Variants in LGR5 observed in about 807,000 individuals in gnomAD.
LGR5 encodes leucine-rich repeat-containing G protein-coupled receptor 5.
A neutral mutation model predicts 76.7 loss-of-function variants in LGR5; 54 were observed. That is an observed-to-expected ratio of 0.70 (90% confidence interval 0.57 to 0.88). The LOEUF (loss-of-function observed/expected upper bound fraction) is 0.88. Among genes scored for constraint, LGR5 ranks in the 40% least tolerant of loss-of-function variants. The pLI, the probability that LGR5 is intolerant of heterozygous loss-of-function variation, is 0.00. For missense variants in LGR5, 1,078 were observed against 1,073.3 expected (o/e 1.00, Z -0.06); for synonymous variants, 406 against 421.9 (o/e 0.96, Z 0.46).
At chr12:71,456,325 C>G (rs927869338) in intron 1 of LGR5, among the ~76,000 whole-genome samples, 3 of 152,132 alleles carry the variant, frequency 2.0e-5, no homozygotes, top group Admixed American at 6.6e-5. Context: ...ATTTTTATCC[C>G]TTTATTAGAT....
intron 1 of LGR5, among the ~76,000 whole-genome samples, chr12:71,469,435 C>A (rs1296719543): frequency 6.6e-6 from 1 of 152,200 alleles, no homozygotes; most frequent in Non-Finnish European, 1.5e-5. Context: ...GCTGGGCGGG[C>A]CTGTCACTCC....
intron 2 of LGR5, among the ~76,000 whole-genome samples, chr12:71,515,013 CAAG>C (rs1257462228): frequency 6.6e-6 from 1 of 152,170 alleles, no homozygotes; most frequent in Admixed American, 6.5e-5. Context: ...AAGATGAACA[CAAG>C]AAGGTTAAGC....
At chr12:71,483,096 A>AG (rs1486905618) in intron 1 of LGR5, among the ~76,000 whole-genome samples, 1 of 152,164 alleles carries the variant, frequency 6.6e-6, no homozygotes, top group Non-Finnish European at 1.5e-5. Context: ...AGAAAAAAAA[A>AG]GGAACCACCA....
intron 4 of LGR5, among the ~76,000 whole-genome samples, chr12:71,536,786 A>C (rs1222652530): frequency 6.6e-6 from 1 of 152,248 alleles, no homozygotes; most frequent in Non-Finnish European, 1.5e-5. Flanking sequence ...TCTTTTGTTC[A>C]CTGGAACTGG....
At chr12:71,493,741 A>T (rs926704253) in intron 1 of LGR5, among the ~76,000 whole-genome samples, 1 of 147,528 alleles carries the variant, frequency 6.8e-6, no homozygotes, top group Non-Finnish European at 1.5e-5. Context: ...TAAGCTTTTC[A>T]GTTGTCTTAT....
At chr12:71,528,737 G>A (rs1364860270) in intron 3 of LGR5, among the ~76,000 whole-genome samples, 1 of 152,096 alleles carries the variant, frequency 6.6e-6, no homozygotes, top group Admixed American at 6.6e-5. Context: ...ATTTATCTGA[G>A]GGTGGCCAGC....
intron 1 of LGR5, among the ~76,000 whole-genome samples, chr12:71,474,252 T>C (rs1873229338): frequency 6.6e-6 from 1 of 151,782 alleles, no homozygotes; most frequent in Non-Finnish European, 1.5e-5. Flanking sequence ...AACCAAAAAA[T>C]AAAGCAAAGC....
chr12:71,547,087 C>T (rs1565742279), intron 4 of LGR5, among the ~76,000 whole-genome samples: 2 of 152,118 alleles, frequency 1.3e-5, no homozygotes, highest in Non-Finnish European at 2.9e-5. Context: ...AACACACACC[C>T]GAAAGTCATA....
chr12:71,576,628 GCA>G (rs1878868386), intron 13 of LGR5, among the ~76,000 whole-genome samples: 1 of 152,106 alleles, frequency 6.6e-6, no homozygotes, highest in Admixed American at 6.5e-5. Flanking sequence ...GGATTCCAGC[GCA>G]CGGGCTCATG....
chr12:71,441,259 T>C (rs1349920392), intron 1 of LGR5, among the ~76,000 whole-genome samples: 1 of 152,124 alleles, frequency 6.6e-6, no homozygotes, highest in Non-Finnish European at 1.5e-5. Flanking sequence ...GGAGGAACCC[T>C]ATTCTCGGAG....
At chr12:71,491,307 G>A (rs1363579657) in intron 1 of LGR5, among the ~76,000 whole-genome samples, 1 of 152,088 alleles carries the variant, frequency 6.6e-6, no homozygotes, top group African/African-American at 2.4e-5. Context: ...GAAAAATGTT[G>A]AAGACCCAAG....
At chr12:71,561,321 G>A (rs1209923650) in intron 7 of LGR5, among the ~76,000 whole-genome samples, 1 of 152,158 alleles carries the variant, frequency 6.6e-6, no homozygotes, top group Non-Finnish European at 1.5e-5. Context: ...CTGAGCCAGG[G>A]CACCTTTCTT....
intron 17 of LGR5, 95 bp from the exon 18 acceptor site, chr12:71,583,552 C>A: frequency 7.1e-7 from 1 of 1,406,788 alleles, no homozygotes; most frequent in Non-Finnish European, 9.7e-7. Flanking sequence ...TGACCATTAT[C>A]TCTTGGCATC....
chr12:71,490,787 A>G (rs1874034252), intron 1 of LGR5, among the ~76,000 whole-genome samples: 1 of 152,196 alleles, frequency 6.6e-6, no homozygotes, highest in Non-Finnish European at 1.5e-5. Flanking sequence ...AACAATGTAA[A>G]ACATTTTGTA....
intron 4 of LGR5, among the ~76,000 whole-genome samples, chr12:71,535,674 G>A (rs1283281654): frequency 1.3e-5 from 2 of 152,110 alleles, no homozygotes; most frequent in Non-Finnish European, 2.9e-5. Flanking sequence ...CAAGTCAGGA[G>A]CCTAAGATCT....
intron 2 of LGR5, among the ~76,000 whole-genome samples, chr12:71,521,170 T>C (rs1479441216): frequency 2.0e-5 from 3 of 152,182 alleles, no homozygotes; most frequent in African/African-American, 7.2e-5. Flanking sequence ...GAGAATATTG[T>C]ACATTGAAAC....
intron 2 of LGR5, among the ~76,000 whole-genome samples, chr12:71,513,440 G>A (rs895328564): frequency 6.6e-6 from 1 of 152,164 alleles, no homozygotes; most frequent in Non-Finnish European, 1.5e-5. Context: ...CTAAGCTTAA[G>A]ACCAGCCTTC....
Position 71,560,262 on chromosome 12 carries a change from G to A in LGR5, c.785+608G>A, listed in dbSNP as rs576604772. On this transcript the variant is annotated intron_variant, in intron 7 of 17. Coordinates refer to ENST00000266674, the MANE Select transcript of LGR5 (RefSeq NM_003667.4). ...TAAACAGTCTATTAACACATATTTTGTATATGTATTTTGAACTATATTCTT... is the reference window on the plus strand; with the variant it reads ...TAAACAGTCTATTAACACATATTTTATATATGTATTTTGAACTATATTCTT... 2.0e-5 allele frequency among the ~76,000 whole-genome samples: 3 copies of A among 152,228 alleles called. No individual in the cohort carries two copies. In the South Asian group the frequency reaches 6.2e-4, roughly 32 times the overall value.
At chr12:71,580,242 T>G in intron 15 of LGR5, 36 bp from the exon 16 acceptor site, 1 of 1,565,160 alleles carries the variant, frequency 6.4e-7, no homozygotes, top group Non-Finnish European at 8.7e-7. Flanking sequence ...ATCCGTTTCT[T>G]TAAGTGTTTT....
Sources: gnomAD v4.1 joint callset for allele counts (sites outside exome capture counted in the v4.1 genomes callset) on GRCh38, gnomAD v4.1.1 for gene constraint, MANE v1.5 for transcripts, NCBI Gene and HGNC (gene_info 2026-07-23, HGNC 2026-07-21) for gene names.